APLP2: variants seen among roughly 807,000 people sequenced by gnomAD.
APLP2 encodes the protein amyloid beta precursor like protein 2, also known as CDEI box-binding protein.
In APLP2, 53 loss-of-function variants were observed where a neutral mutation model predicts 89.9. That is an observed-to-expected ratio of 0.59 (90% confidence interval 0.47 to 0.74). APLP2 has a LOEUF of 0.74. Among genes scored for constraint, APLP2 ranks in the 30% least tolerant of loss-of-function variants. The probability of loss-of-function intolerance (pLI) is 0.00; values close to 1 mark genes in which losing one functional copy is unlikely to be tolerated. For synonymous variants in APLP2, 372 were observed against 348.6 expected (o/e 1.07, Z -0.75); for missense variants, 973 against 975.9 (o/e 1.00, Z 0.04).
chr11:130,090,818 C>T (rs551512415), intron 1 of APLP2, among the ~76,000 whole-genome samples: 11 of 152,044 alleles, frequency 7.2e-5, no homozygotes, highest in African/African-American at 2.6e-4. Context: ...CAGAGGGGCT[C>T]CTCACCTCCC....
At chr11:130,136,105 G>A (rs1951556636) in intron 13 of APLP2, among the ~76,000 whole-genome samples, 1 of 152,102 alleles carries the variant, frequency 6.6e-6, no homozygotes, top group African/African-American at 2.4e-5. Flanking sequence ...GACAGGGCTG[G>A]CGTGGGTCAT....
At chr11:130,082,340 C>T (rs781091455) in intron 1 of APLP2, among the ~76,000 whole-genome samples, 5 of 151,920 alleles carry the variant, frequency 3.3e-5, no homozygotes, top group African/African-American at 7.3e-5. Flanking sequence ...CCCGCCATCA[C>T]GCCCAGCTGA....
chr11:130,105,003 C>A (rs976220912), intron 1 of APLP2, among the ~76,000 whole-genome samples: 8 of 152,124 alleles, frequency 5.3e-5, no homozygotes, highest in Admixed American at 6.5e-5. Flanking sequence ...TGGAAAAAGA[C>A]CATAATATAT....
At chr11:130,131,567 G>T (rs1377420372) in intron 11 of APLP2, among the ~76,000 whole-genome samples, 1 of 152,190 alleles carries the variant, frequency 6.6e-6, no homozygotes, top group Non-Finnish European at 1.5e-5. Flanking sequence ...CTTCACGCTG[G>T]ATGTAGCAGA....
chr11:130,123,778 G>A lies in APLP2; in HGVS notation c.1089G>A (p.Met363Ile). Reference sequence around the variant, plus strand: ...ATTGTATGGCTGTGTGTAAAGCGATGAGTAAGTCCTGCCTCGCGCTGGTCC... The same window carrying A: ...ATTGTATGGCTGTGTGTAAAGCGATAAGTAAGTCCTGCCTCGCGCTGGTCC... Reference protein sequence around the residue: ...EDYCMAVCKAMIPPTPLPTND... With the variant: ...EDYCMAVCKAIIPPTPLPTND... Residue 363 changes from methionine to isoleucine, a missense_variant and splice_region_variant, in exon 7 of 17, where the codon ATG becomes ATA. Physicochemically the swap from Met to Ile is conservative, Grantham distance 10 (BLOSUM62 1). Coordinates refer to ENST00000338167, the MANE Select transcript of APLP2 (RefSeq NM_001142276.2). The surrounding 1 kb of genome is among the most constrained non-coding windows in gnomAD (Gnocchi z 4.0). The A allele has an allele frequency of 6.2e-7, 1 of 1,614,138 alleles. No individual in the cohort carries two copies. The highest frequency in any genetic ancestry group is 1.3e-5 in the African/African-American group (1 of 75,072).
At chr11:130,121,593 T>C (rs758525723) in intron 4 of APLP2, 21 bp from the exon 5 acceptor site, 1 of 1,604,264 alleles carries the variant, frequency 6.2e-7, no homozygotes, top group Non-Finnish European at 8.5e-7. Flanking sequence ...TGTTCTGATG[T>C]GGCCTGTGGG....
At chr11:130,118,830 A>G (rs866936964) in intron 3 of APLP2, among the ~76,000 whole-genome samples, 1 of 152,098 alleles carries the variant, frequency 6.6e-6, no homozygotes, top group Non-Finnish European at 1.5e-5. Flanking sequence ...CACTTTCGCA[A>G]TCCTGCTTCA....
At chr11:130,091,265 G>A (rs1261612236) in intron 1 of APLP2, among the ~76,000 whole-genome samples, 3 of 137,770 alleles carry the variant, frequency 2.2e-5, no homozygotes, top group South Asian at 2.2e-4. Flanking sequence ...GGCCGGGCGG[G>A]GGGCTGACCC....
Position 130,141,858 on chromosome 11 carries a change from C to T in APLP2, c.1999-61C>T. On this transcript the variant is annotated intron_variant, in intron 15 of 16. Coordinates refer to ENST00000338167, the MANE Select transcript of APLP2 (RefSeq NM_001142276.2). The surrounding 1 kb of genome is among the most constrained non-coding windows in gnomAD (Gnocchi z 4.2). Reference sequence around the variant, plus strand: ...CAGGAGCGTGGCCCTCAGTGAGTTACTTGCCTCACGGCTGCCAGATGGTCA... The same window carrying T: ...CAGGAGCGTGGCCCTCAGTGAGTTATTTGCCTCACGGCTGCCAGATGGTCA... The T allele has an allele frequency of 6.4e-7, 1 of 1,552,456 alleles. No individual in the cohort carries two copies. Among genetic ancestry groups the T allele is most frequent in the Non-Finnish European group, 8.8e-7 (1 of 1,141,268 alleles).
chr11:130,102,445 C>G (rs921263821), intron 1 of APLP2, among the ~76,000 whole-genome samples: 11 of 152,306 alleles, frequency 7.2e-5, no homozygotes, highest in Admixed American at 2.0e-4. Flanking sequence ...AGCCGGATTC[C>G]TTTCAAAGAG....
chr11:130,119,803 T>TC (rs1949617468), intron 3 of APLP2, among the ~76,000 whole-genome samples: 1 of 152,242 alleles, frequency 6.6e-6, no homozygotes, highest in African/African-American at 2.4e-5. Flanking sequence ...TTCAGCTGGT[T>TC]TCTCCTAAGA....
intron 3 of APLP2, among the ~76,000 whole-genome samples, chr11:130,111,679 G>A (rs1427458093): frequency 1.3e-5 from 2 of 152,158 alleles, no homozygotes; most frequent in African/African-American, 4.8e-5. Context: ...CAAGAGGGGC[G>A]TCATGTGTGC....
At chr11:130,121,470 T>G in intron 4 of APLP2, 144 bp from the exon 5 acceptor site, 2 of 1,061,750 alleles carry the variant, frequency 1.9e-6, no homozygotes, top group Non-Finnish European at 2.5e-6. Context: ...TACAATTTTT[T>G]TTTGACAGAA....
rs926293411 is a variant in APLP2, at chr11:130,123,352, C to T, written c.923-260C>T. 2.0e-5 allele frequency among the ~76,000 whole-genome samples: 3 copies of T among 152,216 alleles called. No homozygotes were observed. The highest frequency in any genetic ancestry group is 7.2e-5 in the African/African-American group (3 of 41,470). ...GCTGTGAGACAAAGGAATTGCTCTA[C>T]GTCAATCTAAACTCAGATCTAGACT... On this transcript the variant is annotated intron_variant, in intron 6 of 16. Transcript: ENST00000338167. The surrounding 1 kb of genome is among the most constrained non-coding windows in gnomAD (Gnocchi z 4.0).
At position 130,122,480 on chromosome 11, in the gene APLP2, A is replaced by T. The variant is rs1158523629; in HGVS notation, c.889A>T (p.Met297Leu). 7 of 1,614,116 alleles carry T rather than the reference A, an allele frequency of 4.3e-6. No individual in the cohort carries two copies. The highest frequency in any genetic ancestry group is 5.9e-6 in the Non-Finnish European group (7 of 1,179,966). ...NPTEPGSDGT[M>L]SDKEITHDVK... ...TACTGAACCCGGCAGCGACGGCACCATGTCAGACAAGGAAATTACTCATGA... is the reference window on the plus strand; with the variant it reads ...TACTGAACCCGGCAGCGACGGCACCTTGTCAGACAAGGAAATTACTCATGA... The change falls in exon 6 of 17, where the codon ATG becomes TTG. Residue 297 changes from methionine to leucine, a missense_variant. Coordinates refer to ENST00000338167, the MANE Select transcript of APLP2 (RefSeq NM_001142276.2).
intron 14 of APLP2, chr11:130,140,904 T>C (rs28610948): frequency 0.075 from 11,153 of 148,910 alleles, 534 homozygotes; most frequent in East Asian, 0.18. Flanking sequence ...GATATTTCAA[T>C]GTGGCTTTTT....
intron 1 of APLP2, among the ~76,000 whole-genome samples, chr11:130,083,252 G>T (rs2135434658): frequency 6.6e-6 from 1 of 151,916 alleles, no homozygotes; most frequent in Non-Finnish European, 1.5e-5. Flanking sequence ...TGCCCAAGCT[G>T]GTCCTGAACT....
chr11:130,070,667 C>T lies in APLP2; in HGVS notation c.105+585C>T, dbSNP rs574310722. 47 of 1,477,214 alleles carry T rather than the reference C, an allele frequency of 3.2e-5. No homozygotes were observed. In the African/African-American group the frequency reaches 6.4e-4, roughly 20 times the overall value. 91.5% of individuals were successfully genotyped at this position (1,477,214 alleles called of 1,614,324 possible). On this transcript the variant is annotated intron_variant, in intron 1 of 16. Transcript: ENST00000338167. ...CCAGGCCGCCCGCTGCTCCCTCTGC[C>T]GCCTGGGGCCGGGTCGCGGACGCGC... is the stretch of plus-strand genomic sequence containing the variant.
chr11:130,070,063 C>T lies in APLP2; in HGVS notation c.86C>T (p.Ala29Val), dbSNP rs1225442950. The T allele has an allele frequency of 6.7e-7, 1 of 1,486,256 alleles. No individual in the cohort carries two copies. The highest frequency in any genetic ancestry group is 1.3e-5 in the South Asian group (1 of 79,152). The allele number at this position is 1,486,256 out of a possible 1,614,324, so 92.1% of individuals were successfully genotyped here. The stretch of plus-strand genomic sequence containing the variant: ...GTGGGGCTCACGGCGCCTGCCTTGG[C>T]GCTGGCCGGCTACATCGAGGTGGGG... The part of the protein sequence containing the change: ...LLVGLTAPAL[A>V]LAGYIEALAA... The change falls in exon 1 of 17, where the codon GCG becomes GTG. Residue 29 changes from alanine to valine, a missense_variant. Ala to Val is a moderately conservative substitution (Grantham distance 64). Coordinates refer to ENST00000338167, the MANE Select transcript of APLP2 (RefSeq NM_001142276.2).
Sources: gnomAD v4.1 joint callset for allele counts (sites outside exome capture counted in the v4.1 genomes callset) on GRCh38, gnomAD v4.1.1 for gene constraint, Gnocchi (gnomAD v3.1) non-coding constraint, MANE v1.5 for transcripts, NCBI Gene and HGNC (gene_info 2026-07-23, HGNC 2026-07-21) for gene names.